CREB5: variants seen among roughly 807,000 people sequenced by gnomAD.
CREB5 encodes the protein cAMP responsive element binding protein 5.
In CREB5, 19 loss-of-function variants were observed where a neutral mutation model predicts 57.1. The observed-to-expected ratio is 0.33, with a 90% CI of 0.23 to 0.49. CREB5 has a LOEUF of 0.49. CREB5 is among the 20% of genes least tolerant of loss of function. The pLI is 0.99. For missense variants in CREB5, 579 were observed against 671.6 expected, an observed-to-expected ratio of 0.86 and a Z score of 1.52; for synonymous variants, 238 against 238.3, an observed-to-expected ratio of 1.00 and a Z score of 0.01.
At chr7:28,646,967 A>G (rs905784225) in intron 5 of CREB5, among the ~76,000 whole-genome samples, 2 of 152,112 alleles carry the variant, frequency 1.3e-5, no homozygotes, top group Non-Finnish European at 2.9e-5. Flanking sequence ...TGTTTATAGA[A>G]TGTGAAAATA....
chr7:28,739,416 G>C (rs761610376), intron 7 of CREB5, among the ~76,000 whole-genome samples: 1 of 152,164 alleles, frequency 6.6e-6, no homozygotes, highest in Non-Finnish European at 1.5e-5. Context: ...AGAATACAAA[G>C]AGTGAGCTGA....
At chr7:28,544,029 T>G (rs746708665) in intron 4 of CREB5, among the ~76,000 whole-genome samples, 135 of 151,772 alleles carry the variant, frequency 8.9e-4, no homozygotes, top group Admixed American at 1.7e-3. Context: ...TTCTGAGGCT[T>G]CTTCCTACAC....
intron 5 of CREB5, among the ~76,000 whole-genome samples, chr7:28,665,256 G>T (rs777833167): frequency 5.9e-5 from 9 of 152,128 alleles, no homozygotes; most frequent in Non-Finnish European, 1.2e-4. Flanking sequence ...GGAAACCAGT[G>T]ATCAATGTTG....
chr7:28,646,596 G>A (rs1403209933), intron 5 of CREB5, among the ~76,000 whole-genome samples: 3 of 152,078 alleles, frequency 2.0e-5, no homozygotes, highest in Non-Finnish European at 4.4e-5. Context: ...AGATAGTGCC[G>A]GTTACCATGA....
chr7:28,301,966 T>C (rs1004628988), intron 1 of CREB5, among the ~76,000 whole-genome samples: 12 of 152,212 alleles, frequency 7.9e-5, no homozygotes, highest in Non-Finnish European at 1.8e-4. Context: ...AGCTTTGATA[T>C]CTGGAGAGGG....
chr7:28,392,689 G>A (rs1362816882), intron 1 of CREB5, among the ~76,000 whole-genome samples: 3 of 152,098 alleles, frequency 2.0e-5, no homozygotes, highest in Non-Finnish European at 2.9e-5. Context: ...TCAGTTTAGA[G>A]TGATCTGATA....
chr7:28,412,880 G>T lies in CREB5; in HGVS notation c.-35G>T. ...GAAAAAACTTGATTTGGTGACTGCAGGAAGCAACACGTTGCTGCTTTTATT... is the reference window on the plus strand; with the variant it reads ...GAAAAAACTTGATTTGGTGACTGCATGAAGCAACACGTTGCTGCTTTTATT... On this transcript the variant is annotated 5_prime_UTR_variant, in exon 1 of 11. The change creates a new upstream start codon in the 5' untranslated region. Transcript: ENST00000357727. The T allele has an allele frequency of 6.7e-7, 1 of 1,483,768 alleles. No individual in the cohort carries two copies. The highest frequency in any genetic ancestry group is 9.0e-7 in the Non-Finnish European group (1 of 1,114,378). The allele number at this position is 1,483,768 out of a possible 1,614,324, so 91.9% of individuals were successfully genotyped here.
At chr7:28,728,724 TGA>T (rs1325265727) in intron 7 of CREB5, among the ~76,000 whole-genome samples, 4 of 152,166 alleles carry the variant, frequency 2.6e-5, no homozygotes, top group African/African-American at 9.6e-5. Flanking sequence ...GCCCCATGAA[TGA>T]GAAATGAATT....
chr7:28,416,046 A>G (rs1441746289), intron 1 of CREB5, among the ~76,000 whole-genome samples: 1 of 152,230 alleles, frequency 6.6e-6, no homozygotes, highest in African/African-American at 2.4e-5. Flanking sequence ...CTAGAGCACC[A>G]CACATTTGAT....
chr7:28,391,796 C>G lies in CREB5; in HGVS notation c.-25+92355C>G, dbSNP rs74349434. 6.0e-3 allele frequency among the ~76,000 whole-genome samples: 921 copies of G among 152,318 alleles called. 12 individuals carry two copies. The highest frequency in any genetic ancestry group is 0.021 in the African/African-American group (868 of 41,574). ...TTTCTATTTATCCACCCCCAGTGTT[C>G]CTTGCTCTTTACCTTCTATGTAATA... On this transcript the variant is annotated intron_variant, in intron 1 of 9. Coordinates refer to the CREB5 transcript ENST00000396299.
At chr7:28,330,401 C>CTTTTTTTTTTTTTT (rs10699932) in intron 1 of CREB5, among the ~76,000 whole-genome samples, 36 of 88,524 alleles carry the variant, frequency 4.1e-4, no homozygotes, top group East Asian at 6.3e-4. Flanking sequence ...GAGAACCTTA[C>CTTTTTTTTTTTTTT]TTTTTTTTTT....
At chr7:28,810,555 G>T (rs1320695650) in intron 9 of CREB5, among the ~76,000 whole-genome samples, 1 of 152,090 alleles carries the variant, frequency 6.6e-6, no homozygotes, top group Admixed American at 6.6e-5. Context: ...AAATTGCCAG[G>T]TGTGGTGGTG....
Position 28,393,802 on chromosome 7 carries a change from C to T in CREB5, c.-25+94361C>T, listed in dbSNP as rs529197645. The stretch of plus-strand genomic sequence containing the variant: ...GTTAAAGTGGACTTGGGACTGGGCG[C>T]GGTGGCTCACGCCTGTAATCCCAGC... On this transcript the variant is annotated intron_variant, in intron 1 of 9. Coordinates refer to the CREB5 transcript ENST00000396299. 1.1e-3 allele frequency among the ~76,000 whole-genome samples: 162 copies of T among 151,944 alleles called. 1 individual carries two copies. In the South Asian group the frequency reaches 0.023, roughly 21 times the overall value.
At chr7:28,542,164 G>A (rs1035342229) in intron 4 of CREB5, among the ~76,000 whole-genome samples, 1 of 152,138 alleles carries the variant, frequency 6.6e-6, no homozygotes, top group South Asian at 2.1e-4. Flanking sequence ...CACAACTACC[G>A]AAGAGTAAGT....
intron 7 of CREB5, among the ~76,000 whole-genome samples, chr7:28,741,576 A>T (rs958316895): frequency 6.6e-6 from 1 of 152,146 alleles, no homozygotes; most frequent in East Asian, 1.9e-4. Context: ...CCATACCAAC[A>T]ATTAAGTACG....
chr7:28,327,476 G>A (rs755714448), intron 1 of CREB5, among the ~76,000 whole-genome samples: 15 of 152,140 alleles, frequency 9.9e-5, no homozygotes, highest in Admixed American at 6.5e-4. Context: ...CATAGAAGGT[G>A]TTTGATAAAA....
chr7:28,499,559 TAAGA>T (rs1792191179), intron 3 of CREB5, among the ~76,000 whole-genome samples: 1 of 152,132 alleles, frequency 6.6e-6, no homozygotes, highest in Non-Finnish European at 1.5e-5. Flanking sequence ...CTAAGAAAGA[TAAGA>T]AAGACACACA....
chr7:28,803,787 A>C (rs940097363), intron 7 of CREB5, among the ~76,000 whole-genome samples: 24 of 150,958 alleles, frequency 1.6e-4, no homozygotes, highest in African/African-American at 5.9e-4. Flanking sequence ...AATTAAATAC[A>C]GTAGCACACC....
At chr7:28,666,796 A>T (rs898327604) in intron 5 of CREB5, among the ~76,000 whole-genome samples, 2 of 151,896 alleles carry the variant, frequency 1.3e-5, no homozygotes, top group Admixed American at 1.3e-4. Flanking sequence ...AAAAATAAAA[A>T]AATTAGCCAG....
Sources: gnomAD v4.1 joint callset for allele counts (sites outside exome capture counted in the v4.1 genomes callset) on GRCh38, gnomAD v4.1.1 for gene constraint, MANE v1.5 for transcripts, NCBI Gene and HGNC (gene_info 2026-07-23, HGNC 2026-07-21) for gene names.